The following RASAL2 variants were observed in gnomAD, a reference collection of about 807,000 sequenced individuals.
RASAL2 encodes RAS protein activator like 2.
RASAL2 carries 58 observed loss-of-function variants against 128.9 expected under a neutral mutation model. That is an observed-to-expected ratio of 0.45 (90% CI 0.36 to 0.56). RASAL2 has a LOEUF of 0.56. RASAL2 is among the 20% of genes least tolerant of loss of function. The pLI, the probability that RASAL2 is intolerant of heterozygous loss-of-function variation, is 0.00. For synonymous variants in RASAL2, 561 were observed against 580.8 expected (o/e 0.97, Z 0.49); for missense variants, 1,360 against 1,601.6 (o/e 0.85, Z 2.57).
At chr1:178,362,683 T>G (rs1399526960) in intron 3 of RASAL2, among the ~76,000 whole-genome samples, 1 of 152,162 alleles carries the variant, frequency 6.6e-6, no homozygotes, top group Non-Finnish European at 1.5e-5. Context: ...TTTGTTGCTA[T>G]CTGTGTATTT....
At chr1:178,238,607 T>TAC (rs10634445) in intron 1 of RASAL2, among the ~76,000 whole-genome samples, 1,859 of 150,528 alleles carry the variant, frequency 0.012, 30 homozygotes, top group African/African-American at 0.038. Context: ...TGTGTGTATA[T>TAC]ACACACACAC....
At chr1:178,203,364 C>A (rs1662937903) in intron 1 of RASAL2, among the ~76,000 whole-genome samples, 1 of 152,154 alleles carries the variant, frequency 6.6e-6, no homozygotes, top group African/African-American at 2.4e-5. Flanking sequence ...TTTGAAGTTA[C>A]AATTACAATG....
At chr1:178,205,490 A>G (rs186368897) in intron 1 of RASAL2, among the ~76,000 whole-genome samples, 1 of 152,078 alleles carries the variant, frequency 6.6e-6, no homozygotes, top group African/African-American at 2.4e-5. Flanking sequence ...GGCGCAGTGG[A>G]TCACACCTGT....
intron 1 of RASAL2, among the ~76,000 whole-genome samples, chr1:178,210,491 G>A (rs923587761): frequency 6.6e-6 from 1 of 152,110 alleles, no homozygotes; most frequent in South Asian, 2.1e-4. Context: ...AATCAAAAAA[G>A]TTCAAATAAC....
At chr1:178,119,621 T>G (rs762270611) in intron 1 of RASAL2, among the ~76,000 whole-genome samples, 1 of 152,242 alleles carries the variant, frequency 6.6e-6, no homozygotes, top group Non-Finnish European at 1.5e-5. Flanking sequence ...CTGATATGTA[T>G]TCATTCAAAG....
chr1:178,359,938 A>G (rs1329597057), intron 3 of RASAL2, among the ~76,000 whole-genome samples: 2 of 152,174 alleles, frequency 1.3e-5, no homozygotes, highest in East Asian at 3.8e-4. Context: ...ATGGACTCAC[A>G]GATTATATAA....
chr1:178,201,815 C>T (rs1391056801), intron 1 of RASAL2, among the ~76,000 whole-genome samples: 4 of 152,144 alleles, frequency 2.6e-5, no homozygotes, highest in African/African-American at 9.7e-5. Flanking sequence ...ACGTTCAGGT[C>T]AAGTGGACAG....
At chr1:178,240,609 T>A (rs1317157026) in intron 1 of RASAL2, among the ~76,000 whole-genome samples, 1 of 152,130 alleles carries the variant, frequency 6.6e-6, no homozygotes, top group East Asian at 1.9e-4. Flanking sequence ...AATGTATACA[T>A]GTGTTGCTGG....
At chr1:178,154,282 G>C (rs1252440188) in intron 1 of RASAL2, among the ~76,000 whole-genome samples, 3 of 152,008 alleles carry the variant, frequency 2.0e-5, no homozygotes, top group African/African-American at 7.2e-5. Context: ...AAGTAGCTGG[G>C]ACTATAACTA....
intron 3 of RASAL2, among the ~76,000 whole-genome samples, chr1:178,386,698 C>G (rs992837842): frequency 1.3e-5 from 2 of 152,168 alleles, no homozygotes; most frequent in South Asian, 2.1e-4. Context: ...TACTGTATCT[C>G]TCTTGTCTCA....
At chr1:178,290,101 A>G (rs1435394462) in intron 2 of RASAL2, among the ~76,000 whole-genome samples, 1 of 152,176 alleles carries the variant, frequency 6.6e-6, no homozygotes, top group African/African-American at 2.4e-5. Context: ...ATGCTATATA[A>G]TTTATTTATT....
chr1:178,367,231 C>T (rs561586861), intron 3 of RASAL2, among the ~76,000 whole-genome samples: 30 of 152,168 alleles, frequency 2.0e-4, no homozygotes, highest in Admixed American at 2.6e-4. Context: ...CCTCTCATTC[C>T]AGTCTAGCTG....
At chr1:178,268,743 A>C (rs1369060538) in intron 1 of RASAL2, among the ~76,000 whole-genome samples, 1 of 152,054 alleles carries the variant, frequency 6.6e-6, no homozygotes, top group Non-Finnish European at 1.5e-5. Flanking sequence ...ACAGGCATGC[A>C]CCACGGCTCC....
chr1:178,454,687 C>G (rs947116455), intron 12 of RASAL2, 39 bp downstream of exon 12: 2 of 1,561,232 alleles, frequency 1.3e-6, no homozygotes, highest in African/African-American at 2.7e-5. Context: ...CTTTAATGTA[C>G]CTGAATTCTG....
intron 1 of RASAL2, among the ~76,000 whole-genome samples, chr1:178,097,304 T>C (rs941574210): frequency 2.0e-5 from 3 of 152,222 alleles, no homozygotes; most frequent in African/African-American, 7.2e-5. Context: ...TGGTCCCTTT[T>C]AGCTTTAAAG....
At chr1:178,255,528 ATAT>A (rs1191880695) in intron 1 of RASAL2, among the ~76,000 whole-genome samples, 12 of 152,082 alleles carry the variant, frequency 7.9e-5, no homozygotes, top group Non-Finnish European at 1.8e-4. Flanking sequence ...TGGGTTTATA[ATAT>A]TAATACATGT....
intron 1 of RASAL2, among the ~76,000 whole-genome samples, chr1:178,247,185 C>CGA (rs749140405): frequency 1.5e-4 from 23 of 152,148 alleles, no homozygotes; most frequent in Non-Finnish European, 3.1e-4. Context: ...GGCTGTGGAT[C>CGA]CATCTGGTCC....
intron 4 of RASAL2, among the ~76,000 whole-genome samples, chr1:178,403,645 A>G (rs533820363): frequency 6.6e-6 from 1 of 152,270 alleles, no homozygotes; most frequent in South Asian, 2.1e-4. Flanking sequence ...ATAATATTAG[A>G]TGTGTATCTC....
At chr1:178,110,588 T>C (rs1004083387) in intron 1 of RASAL2, among the ~76,000 whole-genome samples, 7 of 146,438 alleles carry the variant, frequency 4.8e-5, no homozygotes, top group Non-Finnish European at 9.0e-5. Context: ...AGTATATATA[T>C]GCTATATATA....
Sources: allele counts gnomAD v4.1 joint callset (sites outside exome capture counted in the v4.1 genomes callset), GRCh38; gene constraint gnomAD v4.1.1; transcripts MANE v1.5; gene names NCBI Gene and HGNC (gene_info 2026-07-23, HGNC 2026-07-21).